The following FGF12 variants were observed in gnomAD, a reference collection of about 807,000 sequenced individuals.
FGF12 encodes the protein fibroblast growth factor 12B.
Under a neutral mutation model 23.6 loss-of-function variants are expected in FGF12, and 14 were observed. That is an observed-to-expected ratio of 0.59 (90% CI 0.39 to 0.93). FGF12 has a LOEUF of 0.93. Ranked by LOEUF, FGF12 falls within the 40% of genes least tolerant of loss-of-function variation. The probability of loss-of-function intolerance (pLI) is 0.00; values close to 1 mark genes in which losing one functional copy is unlikely to be tolerated. For synonymous variants in FGF12, 62 were observed against 77.3 expected (o/e 0.80, Z 1.04); for missense variants, 175 against 217.8 (o/e 0.80, Z 1.24).
intron 2 of FGF12, among the ~76,000 whole-genome samples, chr3:192,571,271 C>T (rs1469475575): frequency 6.6e-6 from 1 of 152,200 alleles, no homozygotes; most frequent in Non-Finnish European, 1.5e-5. Flanking sequence ...TCTGGAGGAT[C>T]GCTCTTTCTG....
chr3:192,506,615 G>GC (rs1724308449), intron 2 of FGF12, among the ~76,000 whole-genome samples: 1 of 152,106 alleles, frequency 6.6e-6, no homozygotes. Context: ...CAAGTAACCT[G>GC]CCCACCTCAG....
chr3:192,239,728 G>A (rs1577267713), intron 4 of FGF12, among the ~76,000 whole-genome samples: 1 of 152,210 alleles, frequency 6.6e-6, no homozygotes, highest in East Asian at 1.9e-4. Context: ...CTGTAAATCT[G>A]AGATGAAACA....
intron 2 of FGF12, among the ~76,000 whole-genome samples, chr3:192,567,800 TC>T (rs1161661732): frequency 4.4e-5 from 6 of 136,820 alleles, no homozygotes; most frequent in South Asian, 2.3e-4. Context: ...TTTCTTTCTT[TC>T]TCTTTCTTTC....
chr3:192,357,161 T>A (rs1295416095), intron 3 of FGF12, among the ~76,000 whole-genome samples: 1 of 152,182 alleles, frequency 6.6e-6, no homozygotes, highest in Non-Finnish European at 1.5e-5. Flanking sequence ...TTGTAATTTT[T>A]CTGAAGTCTT....
At chr3:192,664,709 G>A (rs1292825006) in intron 2 of FGF12, among the ~76,000 whole-genome samples, 1 of 151,982 alleles carries the variant, frequency 6.6e-6, no homozygotes, top group East Asian at 1.9e-4. Flanking sequence ...AGGTTGCAGT[G>A]AGCTGGGATC....
intron 4 of FGF12, among the ~76,000 whole-genome samples, chr3:192,246,457 A>AT (rs1301173181): frequency 6.6e-6 from 1 of 152,118 alleles, no homozygotes; most frequent in Non-Finnish European, 1.5e-5. Flanking sequence ...ATAAGTACTT[A>AT]TTTTTTCAGA....
chr3:192,310,228 T>C (rs1306006319), intron 4 of FGF12, among the ~76,000 whole-genome samples: 1 of 152,164 alleles, frequency 6.6e-6, no homozygotes, highest in Non-Finnish European at 1.5e-5. Flanking sequence ...TGTCTAACGA[T>C]GAAGAAGGTG....
chr3:192,451,591 G>C (rs1722523016), intron 2 of FGF12, among the ~76,000 whole-genome samples: 1 of 152,160 alleles, frequency 6.6e-6, no homozygotes, highest in Non-Finnish European at 1.5e-5. Flanking sequence ...GTCATGTTGA[G>C]GGTTTAGGAG....
chr3:192,282,014 C>T lies in FGF12; in HGVS notation c.228+53347G>A, dbSNP rs190226547. Among the ~76,000 whole-genome samples the T allele has an allele frequency of 1.1e-3, 165 of 152,260 alleles. 1 individual carries two copies. Among genetic ancestry groups the T allele is most frequent in the Admixed American group, 4.6e-3 (70 of 15,284 alleles). On this transcript the variant is annotated intron_variant, in intron 4 of 5. Coordinates refer to ENST00000445105, the MANE Select transcript of FGF12 (RefSeq NM_004113.6). The stretch of plus-strand genomic sequence containing the variant: ...TCTGACTGCCATGACATACAGAGAA[C>T]ACACTACTCATTCATTTGCTGTAGG...
intron 2 of FGF12, among the ~76,000 whole-genome samples, chr3:192,567,574 A>G (rs1328148675): frequency 2.0e-5 from 3 of 152,130 alleles, no homozygotes; most frequent in Non-Finnish European, 2.9e-5. Context: ...TGGAGGTCTG[A>G]AGTCCAAAAT....
chr3:192,271,495 G>A (rs535690971), intron 4 of FGF12, among the ~76,000 whole-genome samples: 4 of 152,212 alleles, frequency 2.6e-5, no homozygotes, highest in South Asian at 2.1e-4. Context: ...TCCCATCAGC[G>A]TATCCCACCC....
intron 2 of FGF12, among the ~76,000 whole-genome samples, chr3:192,586,762 C>T (rs982430746): frequency 3.3e-5 from 5 of 152,114 alleles, no homozygotes; most frequent in Admixed American, 6.5e-5. Flanking sequence ...GTCTAGGTAA[C>T]GCCATAGAGA....
chr3:192,649,225 T>A (rs1390968110), intron 2 of FGF12, among the ~76,000 whole-genome samples: 3 of 152,152 alleles, frequency 2.0e-5, no homozygotes, highest in Non-Finnish European at 4.4e-5. Context: ...ACCTATCCCT[T>A]ATCCAACAGT....
At chr3:192,326,682 T>A (rs544118708) in intron 4 of FGF12, among the ~76,000 whole-genome samples, 18 of 152,342 alleles carry the variant, frequency 1.2e-4, no homozygotes, top group African/African-American at 4.3e-4. Flanking sequence ...ACAAACAAGG[T>A]GATAGGCTGC....
rs116209342 is a variant in FGF12 at position 192,489,638 on chromosome 3, G to C, written c.14-129100C>G. Among the ~76,000 whole-genome samples, 510 of 152,202 alleles carry C rather than the reference G, an allele frequency of 3.4e-3. 2 individuals are homozygous for C. The highest frequency in any genetic ancestry group is 0.017 in the Middle Eastern group (5 of 294). On this transcript the variant is annotated intron_variant, in intron 2 of 5. Transcript: ENST00000445105. ...AAACTTTTACTCCCCTGAGGAGAAA[G>C]AGAGACTAGGGTGGCAGGCATCACT... is the stretch of plus-strand genomic sequence containing the variant.
At chr3:192,305,828 A>G (rs1392165600) in intron 4 of FGF12, among the ~76,000 whole-genome samples, 3 of 147,078 alleles carry the variant, frequency 2.0e-5, no homozygotes, top group Non-Finnish European at 4.5e-5. Flanking sequence ...GATAGCAATA[A>G]TGACACTGCT....
intron 2 of FGF12, among the ~76,000 whole-genome samples, chr3:192,685,590 C>T (rs1246400647): frequency 6.6e-6 from 1 of 151,882 alleles, no homozygotes; most frequent in Non-Finnish European, 1.5e-5. Flanking sequence ...AGTGGGGGCA[C>T]ATCAGACAAG....
At chr3:192,442,936 T>C (rs1191211098) in intron 2 of FGF12, among the ~76,000 whole-genome samples, 2 of 151,984 alleles carry the variant, frequency 1.3e-5, no homozygotes, top group East Asian at 1.9e-4. Context: ...GCCTCCCTAG[T>C]AGCTGGGATT....
In FGF12 at chr3:192,580,457, G is replaced by C. The variant is rs1196643850; in HGVS notation, c.13+146724C>G. On this transcript the variant is annotated intron_variant, in intron 2 of 5. Transcript: ENST00000445105. ...TGACCGCTGAACTGTGGAGCAGCTT[G>C]CTAAGGAAATGTGTCATAATATGTA... Among the ~76,000 whole-genome samples the C allele has an allele frequency of 6.6e-5, 10 of 152,278 alleles. No homozygotes were observed. In the East Asian group the frequency reaches 1.2e-3, roughly 18 times the overall value.
Sources: gnomAD v4.1 joint callset for allele counts (sites outside exome capture counted in the v4.1 genomes callset) on GRCh38, gnomAD v4.1.1 for gene constraint, MANE v1.5 for transcripts, NCBI Gene and HGNC (gene_info 2026-07-23, HGNC 2026-07-21) for gene names.